TRIM44: variants seen among roughly 807,000 people sequenced by gnomAD.
TRIM44 encodes tripartite motif-containing protein 44.
A neutral mutation model predicts 37.4 loss-of-function variants in TRIM44; 13 were observed. That is an observed-to-expected ratio of 0.35 (90% CI 0.23 to 0.55). The LOEUF is 0.55. Ranked by LOEUF, TRIM44 falls within the 20% of genes least tolerant of loss-of-function variation. The pLI, the probability that TRIM44 is intolerant of heterozygous loss-of-function variation, is 0.89. For synonymous variants in TRIM44, 175 were observed against 157.2 expected (o/e 1.11, Z -0.85); for missense variants, 426 against 437.2 (o/e 0.97, Z 0.23).
At chr11:35,742,949 C>G (rs931308031) in intron 4 of TRIM44, among the ~76,000 whole-genome samples, 5 of 151,404 alleles carry the variant, frequency 3.3e-5, no homozygotes, top group Admixed American at 2.0e-4. Flanking sequence ...CATTCAAACT[C>G]AAGTAGTCTG....
intron 2 of TRIM44, among the ~76,000 whole-genome samples, chr11:35,691,235 T>C (rs1380302075): frequency 1.3e-5 from 2 of 152,234 alleles, no homozygotes; most frequent in East Asian, 3.8e-4. Flanking sequence ...AAAATACCTG[T>C]GCTCCCTCAG....
intron 2 of TRIM44, among the ~76,000 whole-genome samples, chr11:35,696,927 T>A (rs1851708355): frequency 6.6e-6 from 1 of 152,118 alleles, no homozygotes; most frequent in Non-Finnish European, 1.5e-5. Flanking sequence ...TAATATTACA[T>A]GAAAATCTTG....
chr11:35,805,835 A>G (rs1239139978), intron 4 of TRIM44, among the ~76,000 whole-genome samples: 1 of 152,176 alleles, frequency 6.6e-6, no homozygotes, highest in African/African-American at 2.4e-5. Flanking sequence ...TTAGTAGAGT[A>G]CCTTCTCTGA....
At chr11:35,796,635 T>C (rs1853294346) in intron 4 of TRIM44, among the ~76,000 whole-genome samples, 1 of 151,860 alleles carries the variant, frequency 6.6e-6, no homozygotes, top group African/African-American at 2.4e-5. Flanking sequence ...TAGTAGAGGG[T>C]ATAGGAAAGG....
In TRIM44 at chr11:35,810,655, T is replaced by A. The variant is rs190906184; in HGVS notation, c.*4270T>A. On this transcript the variant is annotated 3_prime_UTR_variant, in exon 5 of 5. Transcript: ENST00000299413. ...AAATGAAAATAAGTGGAGACACTTATGGATACATTGGTGCAAAAAAAGCCA... is the reference window on the plus strand; with the variant it reads ...AAATGAAAATAAGTGGAGACACTTAAGGATACATTGGTGCAAAAAAAGCCA... The A allele has an allele frequency of 6.6e-6, 1 of 152,210 alleles. No individual in the cohort carries two copies. The highest frequency in any genetic ancestry group is 1.9e-4 in the East Asian group (1 of 5,200). 9.4% of individuals were successfully genotyped at this position (152,210 alleles called of 1,614,324 possible). A position where few individuals can be genotyped will look rare whatever the true frequency, so the allele number is the denominator to read the frequency against.
At chr11:35,685,222 A>G (rs767881687) in intron 1 of TRIM44, 37 bp from the exon 2 acceptor site, 2 of 1,560,864 alleles carry the variant, frequency 1.3e-6, no homozygotes, top group South Asian at 1.1e-5. Context: ...GAGCAACAAA[A>G]TGCTGTCTAG....
At position 35,808,554 on chromosome 11, in the gene TRIM44, A is replaced by T. The variant is rs1853485554; in HGVS notation, c.*2169A>T. The T allele has an allele frequency of 6.6e-6, 1 of 152,200 alleles. No homozygotes were observed. Among genetic ancestry groups the T allele is most frequent in the South Asian group, 2.1e-4 (1 of 4,830 alleles). 9.4% of individuals were successfully genotyped at this position (152,200 alleles called of 1,614,324 possible). Reference sequence around the variant, plus strand: ...TACTACTTTGAATCAGTATTTGGGAAATTCAAGCATTTATGCAGTGGATAT... The same window carrying T: ...TACTACTTTGAATCAGTATTTGGGATATTCAAGCATTTATGCAGTGGATAT... On this transcript the variant is annotated 3_prime_UTR_variant, in exon 5 of 5. Coordinates refer to ENST00000299413, the MANE Select transcript of TRIM44 (RefSeq NM_017583.6).
intron 4 of TRIM44, among the ~76,000 whole-genome samples, chr11:35,774,410 C>T (rs563807615): frequency 2.0e-5 from 3 of 152,288 alleles, no homozygotes; most frequent in East Asian, 1.9e-4. Flanking sequence ...TTCTCCCATT[C>T]TGTAGGTTGC....
rs1387436430 is a variant in TRIM44 at position 35,760,173 on chromosome 11, T to C, written c.1007+24728T>C. Among the ~76,000 whole-genome samples, 2 of 152,234 alleles carry C rather than the reference T, an allele frequency of 1.3e-5. 1 individual carries two copies. The highest frequency in any genetic ancestry group is 1.3e-4 in the Admixed American group (2 of 15,282). Reference sequence around the variant, plus strand: ...AAGCTTCCTGGCCGCTTTGTTTACCTACTCAAGCCTCGGTAATGGCAGGTG... The same window carrying C: ...AAGCTTCCTGGCCGCTTTGTTTACCCACTCAAGCCTCGGTAATGGCAGGTG... On this transcript the variant is annotated intron_variant, in intron 4 of 4. Transcript: ENST00000299413.
intron 2 of TRIM44, among the ~76,000 whole-genome samples, chr11:35,703,605 A>G (rs1190956033): frequency 1.3e-5 from 2 of 152,206 alleles, no homozygotes; most frequent in South Asian, 2.1e-4. Flanking sequence ...GCGGTTCACA[A>G]AAATCCGCTG....
intron 4 of TRIM44, among the ~76,000 whole-genome samples, chr11:35,766,782 C>T (rs879317688): frequency 2.6e-5 from 4 of 152,212 alleles, no homozygotes; most frequent in Non-Finnish European, 4.4e-5. Flanking sequence ...AACCTCTCTT[C>T]CCTGATTCAA....
intron 4 of TRIM44, among the ~76,000 whole-genome samples, chr11:35,738,537 C>A (rs1343887585): frequency 2.0e-5 from 3 of 152,042 alleles, no homozygotes; most frequent in African/African-American, 7.2e-5. Flanking sequence ...TCTTTTTTAA[C>A]CTTTAAATTC....
rs1190908405 is a variant in TRIM44, at chr11:35,806,537, C to T, written c.*152C>T. On this transcript the variant is annotated 3_prime_UTR_variant, in exon 5 of 5. Transcript: ENST00000299413. ...AGATCCACAGCAGGCACATATCTCT[C>T]CAAGGGATGACCAGTTTTATGCTTA... 2 of 798,392 alleles carry T rather than the reference C, an allele frequency of 2.5e-6. No homozygotes were observed. Among genetic ancestry groups the T allele is most frequent in the African/African-American group, 1.7e-5 (1 of 58,368 alleles). 49.5% of individuals were successfully genotyped at this position (798,392 alleles called of 1,614,324 possible). A position where few individuals can be genotyped will look rare whatever the true frequency, so the allele number is the denominator to read the frequency against.
At chr11:35,731,158 C>T (rs1320803117) in intron 3 of TRIM44, among the ~76,000 whole-genome samples, 5 of 152,224 alleles carry the variant, frequency 3.3e-5, no homozygotes, top group African/African-American at 1.2e-4. Flanking sequence ...AGTGGACATC[C>T]TTGCCTTGTT....
Position 35,814,979 on chromosome 11 carries a change from T to C in TRIM44, c.*8594T>C, listed in dbSNP as rs184888424. ...CTTGAAGTTCATAAATTCTGGGCAC[T>C]GCTCAGCTTGAGGAGGCAGGCATTG... On this transcript the variant is annotated 3_prime_UTR_variant, in exon 5 of 5. Transcript: ENST00000299413. 6.6e-5 allele frequency: 10 copies of C among 152,324 alleles called. No homozygotes were observed. The East Asian group carries it at 1.2e-3, about 18-fold the overall frequency. 9.4% of individuals were successfully genotyped at this position (152,324 alleles called of 1,614,324 possible). A position where few individuals can be genotyped will look rare whatever the true frequency, so the allele number is the denominator to read the frequency against.
chr11:35,782,667 A>T lies in TRIM44; in HGVS notation c.1008-23691A>T, dbSNP rs148214848. ...AGCACCATGTCTCTATTAATCAGGA[A>T]AGTAAACACTTTCCCAAGGAGCACC... On this transcript the variant is annotated intron_variant, in intron 4 of 4. Coordinates refer to ENST00000299413, the MANE Select transcript of TRIM44 (RefSeq NM_017583.6). Among the ~76,000 whole-genome samples the T allele has an allele frequency of 1.4e-3, 211 of 152,206 alleles. 1 individual carries two copies. The highest frequency in any genetic ancestry group is 4.8e-3 in the African/African-American group (199 of 41,522).
intron 4 of TRIM44, among the ~76,000 whole-genome samples, chr11:35,764,723 AAGT>A (rs1852771190): frequency 6.6e-6 from 1 of 152,154 alleles, no homozygotes; most frequent in African/African-American, 2.4e-5. Context: ...GCATCGTAGG[AAGT>A]AGTTTACAAA....
At chr11:35,730,217 A>G (rs906753545) in intron 3 of TRIM44, among the ~76,000 whole-genome samples, 8 of 152,220 alleles carry the variant, frequency 5.3e-5, no homozygotes, top group Non-Finnish European at 8.8e-5. Context: ...ACTGACACCA[A>G]AAATTCACTG....
At chr11:35,733,435 A>G (rs1300036876) in intron 3 of TRIM44, among the ~76,000 whole-genome samples, 1 of 152,216 alleles carries the variant, frequency 6.6e-6, no homozygotes, top group Non-Finnish European at 1.5e-5. Flanking sequence ...ATTCATAGTT[A>G]TGTAACTCAT....
Sources: allele counts gnomAD v4.1 joint callset (sites outside exome capture counted in the v4.1 genomes callset), GRCh38; gene constraint gnomAD v4.1.1; transcripts MANE v1.5; gene names NCBI Gene and HGNC (gene_info 2026-07-23, HGNC 2026-07-21).